DOCK2: variants seen among roughly 807,000 people sequenced by gnomAD.
DOCK2 encodes the protein dedicator of cytokinesis 2, also known as dedicator of cytokinesis protein 2.
In DOCK2, 87 loss-of-function variants were observed where a neutral mutation model predicts 248.9. That is an observed-to-expected ratio of 0.35 (90% CI 0.29 to 0.42). The LOEUF is 0.42. DOCK2 is among the 10% of genes least tolerant of loss of function. The pLI is 1.00. For missense variants in DOCK2, 1,747 were observed against 2,300.2 expected (o/e 0.76, Z 4.92); for synonymous variants, 805 against 821.6 (o/e 0.98, Z 0.35).
At chr5:169,892,110 G>A (rs532596926) in intron 27 of DOCK2, among the ~76,000 whole-genome samples, 80 of 152,018 alleles carry the variant, frequency 5.3e-4, no homozygotes, top group South Asian at 5.2e-3. Flanking sequence ...TTCCTTTAGC[G>A]GTAAAATCAG....
At chr5:169,930,284 C>A (rs1239567156) in intron 27 of DOCK2, among the ~76,000 whole-genome samples, 3 of 152,192 alleles carry the variant, frequency 2.0e-5, no homozygotes, top group Non-Finnish European at 4.4e-5. Context: ...GCCACCGCAC[C>A]TGGCCTAATT....
At chr5:169,883,692 T>C in intron 27 of DOCK2, 9 of 1,551,226 alleles carry the variant, frequency 5.8e-6, no homozygotes, top group East Asian at 2.4e-5. Context: ...GCCTGGTTGC[T>C]TGAGTCTTCC....
At position 169,648,187 on chromosome 5, in the gene DOCK2, C is replaced by G. The variant is rs578234093; in HGVS notation, c.44-6216C>G. 1.7e-3 allele frequency among the ~76,000 whole-genome samples: 254 copies of G among 152,166 alleles called. 1 individual carries two copies. Among genetic ancestry groups the G allele is most frequent in the Non-Finnish European group, 1.6e-3 (109 of 67,992 alleles). On this transcript the variant is annotated intron_variant, in intron 1 of 51. Transcript: ENST00000520908. ...CCTTGTCACTATTGACATTGTGGGC[C>G]AGGAAAATCTTTGTTATGGGGCTGT...
Position 169,712,107 on chromosome 5 carries a change from A to G in DOCK2, c.1556-13A>G. ...TATCATTTTCTTTCCTGACCCCACA[A>G]TGCTATTTCCAGCTAAAGATAAAGG... On this transcript the variant is annotated splice_polypyrimidine_tract_variant and intron_variant, in intron 16 of 51. Coordinates refer to ENST00000520908, the MANE Select transcript of DOCK2 (RefSeq NM_004946.3). 6.2e-7 allele frequency: 1 copy of G among 1,614,012 alleles called. No individual in the cohort carries two copies. Among genetic ancestry groups the G allele is most frequent in the Non-Finnish European group, 8.5e-7 (1 of 1,179,892 alleles).
At chr5:169,802,346 G>C (rs757221858) in intron 25 of DOCK2, among the ~76,000 whole-genome samples, 11 of 152,136 alleles carry the variant, frequency 7.2e-5, no homozygotes, top group Admixed American at 3.3e-4. Context: ...ATTTCTAGTA[G>C]AGACAGGTTT....
intron 22 of DOCK2, among the ~76,000 whole-genome samples, chr5:169,725,020 T>G (rs1474259018): frequency 6.6e-6 from 1 of 152,228 alleles, no homozygotes; most frequent in East Asian, 1.9e-4. Context: ...CAGTGTGATT[T>G]GTTTTTATTG....
intron 1 of DOCK2, among the ~76,000 whole-genome samples, chr5:169,651,704 C>T (rs1757814502): frequency 6.6e-6 from 1 of 152,130 alleles, no homozygotes; most frequent in African/African-American, 2.4e-5. Flanking sequence ...TGGAGTATGT[C>T]CAAGCAACAG....
At chr5:169,953,873 G>A (rs529418249) in intron 27 of DOCK2, among the ~76,000 whole-genome samples, 5 of 152,268 alleles carry the variant, frequency 3.3e-5, no homozygotes, top group South Asian at 2.1e-4. Context: ...TACTTGTTCC[G>A]AGTTAGTTTC....
intron 29 of DOCK2, among the ~76,000 whole-genome samples, chr5:169,988,292 T>A (rs1581507953): frequency 6.6e-6 from 1 of 151,822 alleles, no homozygotes; most frequent in African/African-American, 2.4e-5. Context: ...AGTACCGAGA[T>A]CCATCACTGT....
intron 27 of DOCK2, among the ~76,000 whole-genome samples, chr5:169,886,470 C>T (rs1021472798): frequency 2.0e-4 from 30 of 152,312 alleles, no homozygotes; most frequent in African/African-American, 7.2e-4. Flanking sequence ...CTGCATCTTC[C>T]TCCTCAGATA....
At chr5:170,034,729 C>T (rs879065349) in intron 35 of DOCK2, among the ~76,000 whole-genome samples, 174 bp downstream of exon 35, 4 of 152,106 alleles carry the variant, frequency 2.6e-5, no homozygotes, top group South Asian at 2.1e-4. Context: ...GTCTTGAGGC[C>T]GTCACTTCAC....
rs964583803 is a variant in DOCK2, at chr5:170,047,227, C to T, written c.3967-283C>T. Among the ~76,000 whole-genome samples the T allele has an allele frequency of 3.3e-5, 5 of 152,094 alleles. No homozygotes were observed. In the South Asian group the frequency reaches 6.2e-4, roughly 19 times the overall value. On this transcript the variant is annotated intron_variant, in intron 39 of 51. Transcript: ENST00000520908. ...AGCTCCATGCTTACTGGCTGCTTTA[C>T]GAGATACCATTTCTTTATCTGCAAA...
chr5:169,942,421 G>A (rs1776278540), intron 27 of DOCK2, among the ~76,000 whole-genome samples: 3 of 152,190 alleles, frequency 2.0e-5, no homozygotes, highest in Admixed American at 6.5e-5. Flanking sequence ...ATTCATTTCT[G>A]ATTAGCAACA....
intron 33 of DOCK2, among the ~76,000 whole-genome samples, chr5:170,025,800 C>CTTCCTTCCTTCCTTCCTTCCTTCT (rs1755888627): frequency 8.0e-5 from 6 of 75,316 alleles, no homozygotes; most frequent in African/African-American, 3.2e-4. Context: ...CCCTTCCTTC[C>CTTCCTTCCTTCCTTCCTTCCTTCT]TTCCTTCCTT....
At chr5:169,662,455 G>C (rs1278582002) in intron 2 of DOCK2, among the ~76,000 whole-genome samples, 1 of 152,044 alleles carries the variant, frequency 6.6e-6, no homozygotes, top group African/African-American at 2.4e-5. Flanking sequence ...AAAGTTTTTA[G>C]TAGTCAGGAT....
chr5:169,838,262 AAGG>A (rs1581264287), intron 26 of DOCK2, among the ~76,000 whole-genome samples: 1 of 152,172 alleles, frequency 6.6e-6, no homozygotes, highest in South Asian at 2.1e-4. Context: ...GAGTTTGGAT[AAGG>A]AGAATACTCT....
chr5:169,857,915 GA>G (rs1349549270), intron 27 of DOCK2, among the ~76,000 whole-genome samples: 1 of 152,128 alleles, frequency 6.6e-6, no homozygotes, highest in Non-Finnish European at 1.5e-5. Context: ...TTTTATATTT[GA>G]TAAGTGTTAA....
intron 32 of DOCK2, among the ~76,000 whole-genome samples, chr5:170,015,385 A>T (rs941449172): frequency 3.3e-5 from 5 of 152,120 alleles, no homozygotes; most frequent in South Asian, 4.1e-4. Flanking sequence ...AGGCTGTCAG[A>T]CTCGAAGACT....
At chr5:170,049,492 T>TGTTTG (rs1484555850) in intron 40 of DOCK2, among the ~76,000 whole-genome samples, 2 of 152,196 alleles carry the variant, frequency 1.3e-5, no homozygotes, top group African/African-American at 4.8e-5. Context: ...TAGAGATGTA[T>TGTTTG]GACAGATGTG....
Sources: allele counts gnomAD v4.1 joint callset (sites outside exome capture counted in the v4.1 genomes callset), GRCh38; gene constraint gnomAD v4.1.1; transcripts MANE v1.5; gene names NCBI Gene and HGNC (gene_info 2026-07-23, HGNC 2026-07-21).